Variants in SYNPR observed in about 807,000 individuals in gnomAD.
SYNPR encodes synaptoporin.
SYNPR carries 23 observed loss-of-function variants against 32.9 expected under a neutral mutation model. The observed-to-expected ratio is 0.70, with a 90% CI of 0.50 to 0.99. The LOEUF (loss-of-function observed/expected upper bound fraction) is 0.99. Among genes scored for constraint, SYNPR ranks in the 50% least tolerant of loss-of-function variants. The pLI, the probability that SYNPR is intolerant of heterozygous loss-of-function variation, is 0.00. For missense variants in SYNPR, 318 were observed against 349.3 expected (o/e 0.91, Z 0.71); for synonymous variants, 146 against 135.9 (o/e 1.07, Z -0.52).
chr3:63,592,940 A>C (rs377211722), intron 4 of SYNPR, among the ~76,000 whole-genome samples: 67 of 152,136 alleles, frequency 4.4e-4, no homozygotes, highest in African/African-American at 1.5e-3. Flanking sequence ...GCCCCTTTTT[A>C]CAGTTGGAAA....
intron 3 of SYNPR, among the ~76,000 whole-genome samples, chr3:63,509,842 C>T (rs761326392): frequency 6.6e-6 from 1 of 152,070 alleles, no homozygotes; most frequent in African/African-American, 2.4e-5. Context: ...TAAAATTAAG[C>T]ATTTTTAAAA....
chr3:63,272,809 G>C (rs59201527), intron 3 of SYNPR, among the ~76,000 whole-genome samples: 3 of 151,960 alleles, frequency 2.0e-5, no homozygotes, highest in African/African-American at 7.3e-5. Flanking sequence ...CTCTTTGGCT[G>C]CAGCACCAGA....
intron 3 of SYNPR, among the ~76,000 whole-genome samples, chr3:63,501,011 T>G (rs1169872305): frequency 6.6e-6 from 1 of 152,142 alleles, no homozygotes; most frequent in Non-Finnish European, 1.5e-5. Context: ...TGACATTGAA[T>G]GAAATAATGA....
chr3:63,430,872 AG>A (rs1306270248), intron 2 of SYNPR, among the ~76,000 whole-genome samples: 2 of 152,234 alleles, frequency 1.3e-5, no homozygotes, highest in Non-Finnish European at 2.9e-5. Flanking sequence ...TAGCTGGAAA[AG>A]TAAGTGTTCC....
intron 2 of SYNPR, among the ~76,000 whole-genome samples, chr3:63,329,033 C>A (rs996427893): frequency 8.5e-5 from 13 of 152,108 alleles, no homozygotes; most frequent in Non-Finnish European, 1.3e-4. Context: ...AAAATAGGAG[C>A]AGTCTCCTAG....
chr3:63,369,792 A>G (rs889845604), intron 2 of SYNPR, among the ~76,000 whole-genome samples: 1 of 152,104 alleles, frequency 6.6e-6, no homozygotes, highest in Non-Finnish European at 1.5e-5. Flanking sequence ...AGCTAATACC[A>G]TATTTTGCTT....
intron 3 of SYNPR, among the ~76,000 whole-genome samples, chr3:63,507,129 A>G (rs1323018253): frequency 6.6e-6 from 1 of 152,012 alleles, no homozygotes; most frequent in African/African-American, 2.4e-5. Context: ...CCTGGGTGAC[A>G]GAGCGAGACT....
chr3:63,311,997 G>A (rs1314667787), intron 2 of SYNPR, among the ~76,000 whole-genome samples: 1 of 151,938 alleles, frequency 6.6e-6, no homozygotes, highest in Non-Finnish European at 1.5e-5. Flanking sequence ...CTTTAAAGGA[G>A]AGGGTAATAC....
rs1445121509 is a variant in SYNPR, at chr3:63,615,502, T to C, written c.*21T>C. On this transcript the variant is annotated 3_prime_UTR_variant, in exon 6 of 6. Transcript: ENST00000478300. Reference sequence around the variant, plus strand: ...TTTAACAGAGTAGCATTTGCATTCTTCTGCAGTCGCCTCACCATCTTCCAT... The same window carrying C: ...TTTAACAGAGTAGCATTTGCATTCTCCTGCAGTCGCCTCACCATCTTCCAT... 6.2e-7 allele frequency: 1 copy of C among 1,601,442 alleles called. No homozygotes were observed. Among genetic ancestry groups the C allele is most frequent in the Non-Finnish European group, 8.5e-7 (1 of 1,172,428 alleles).
At chr3:63,515,762 C>A (rs903825448) in intron 3 of SYNPR, among the ~76,000 whole-genome samples, 2 of 152,084 alleles carry the variant, frequency 1.3e-5, no homozygotes, top group African/African-American at 4.8e-5. Flanking sequence ...AATGAAAAGA[C>A]ATGTTGTGTG....
intron 3 of SYNPR, among the ~76,000 whole-genome samples, chr3:63,509,236 T>G (rs188922868): frequency 0.015 from 2,249 of 150,642 alleles, 20 homozygotes; most frequent in Middle Eastern, 0.031. Flanking sequence ...GGTATATCTA[T>G]ATACACACAC....
At chr3:63,440,614 G>A (rs1700153250) in intron 2 of SYNPR, among the ~76,000 whole-genome samples, 1 of 152,162 alleles carries the variant, frequency 6.6e-6, no homozygotes, top group African/African-American at 2.4e-5. Context: ...GGCAGAAAGA[G>A]CTAACCCAAC....
At chr3:63,442,396 C>T (rs1340902458) in intron 2 of SYNPR, among the ~76,000 whole-genome samples, 1 of 152,070 alleles carries the variant, frequency 6.6e-6, no homozygotes. Context: ...AAGTAGGGGG[C>T]GGGAAGGAGA....
At chr3:63,450,060 CA>C (rs1465429940) in intron 2 of SYNPR, among the ~76,000 whole-genome samples, 1 of 152,138 alleles carries the variant, frequency 6.6e-6, no homozygotes, top group Admixed American at 6.5e-5. Flanking sequence ...TGAAGCAGTT[CA>C]ATAAGGGCAG....
chr3:63,563,944 A>G (rs1051662381), intron 4 of SYNPR, among the ~76,000 whole-genome samples: 1 of 144,896 alleles, frequency 6.9e-6, no homozygotes, highest in Non-Finnish European at 1.5e-5. Flanking sequence ...ACTCCTATAA[A>G]CTGCATTTTA....
chr3:63,284,812 G>A (rs1269826886), intron 2 of SYNPR, among the ~76,000 whole-genome samples: 7 of 152,180 alleles, frequency 4.6e-5, no homozygotes, highest in African/African-American at 1.7e-4. Context: ...CCTAATGAGA[G>A]AAGTAATAAC....
chr3:63,256,319 C>G (rs537406664), intron 2 of SYNPR, among the ~76,000 whole-genome samples: 3 of 152,310 alleles, frequency 2.0e-5, no homozygotes, highest in Admixed American at 6.5e-5. Context: ...AGGCACCCCC[C>G]AGTAGGGGCA....
intron 2 of SYNPR, among the ~76,000 whole-genome samples, chr3:63,357,408 T>A (rs1337495781): frequency 6.6e-6 from 1 of 152,230 alleles, no homozygotes; most frequent in Non-Finnish European, 1.5e-5. Flanking sequence ...GATGCTGCTT[T>A]TCTTCCATCT....
intron 2 of SYNPR, chr3:63,451,961 A>T (rs1262075154): frequency 3.2e-6 from 2 of 631,328 alleles, no homozygotes; most frequent in African/African-American, 3.7e-5. Flanking sequence ...AGTGGTATTT[A>T]TAAACTCCTC....
Sources: allele counts gnomAD v4.1 joint callset (sites outside exome capture counted in the v4.1 genomes callset), GRCh38; gene constraint gnomAD v4.1.1; transcripts MANE v1.5; gene names NCBI Gene and HGNC (gene_info 2026-07-23, HGNC 2026-07-21).